EPG5: variants seen among roughly 807,000 people sequenced by gnomAD.
The protein encoded by EPG5 is ectopic P granules protein 5 homolog.
Under a neutral mutation model 302.7 loss-of-function variants are expected in EPG5, and 159 were observed. That is an observed-to-expected ratio of 0.53 (90% CI 0.46 to 0.60). The LOEUF is 0.60. EPG5 is among the 20% of genes least tolerant of loss of function. The pLI is 0.00. For synonymous variants in EPG5, 1,158 were observed against 1,136.8 expected, an observed-to-expected ratio of 1.02 and a Z score of -0.37; for missense variants, 2,896 against 3,092.4, an observed-to-expected ratio of 0.94 and a Z score of 1.51.
the EPG5 span, among the ~76,000 whole-genome samples, chr18:45,811,375 C>G: frequency 6.6e-6 from 1 of 152,152 alleles, no homozygotes; most frequent in Non-Finnish European, 1.5e-5. Flanking sequence ...CTATTCCAAT[C>G]AATAGAGAAA....
chr18:45,906,440 T>A (rs558157390), intron 24 of EPG5, among the ~76,000 whole-genome samples: 1 of 152,150 alleles, frequency 6.6e-6, no homozygotes, highest in African/African-American at 2.4e-5. Flanking sequence ...AACATGCCCA[T>A]CCCTTTCTCA....
At chr18:45,920,309 GT>G (rs2050126190) in intron 16 of EPG5, among the ~76,000 whole-genome samples, 1 of 152,222 alleles carries the variant, frequency 6.6e-6, no homozygotes, top group Admixed American at 6.5e-5. Context: ...TGAGTGTGCT[GT>G]TCAGAATGTA....
chr18:45,867,444 C>G (rs2048770514), intron 37 of EPG5, 119 bp downstream of exon 37: 1 of 780,590 alleles, frequency 1.3e-6, no homozygotes, highest in Non-Finnish European at 2.2e-6. Flanking sequence ...ATCTCATATG[C>G]CAAGCATCTG....
the EPG5 span, chr18:45,829,256 C>A: frequency 2.9e-6 from 2 of 679,174 alleles, no homozygotes; most frequent in African/African-American, 3.9e-5. Context: ...CCAGATAACC[C>A]TGAAGCAGAT....
chr18:45,933,652 G>A (rs985569953), intron 11 of EPG5, among the ~76,000 whole-genome samples: 13 of 150,588 alleles, frequency 8.6e-5, no homozygotes, highest in African/African-American at 1.9e-4. Context: ...CACTCCAGCC[G>A]GGGCAATGCT....
chr18:45,877,368 A>G (rs1286506388), intron 34 of EPG5, among the ~76,000 whole-genome samples: 1 of 152,158 alleles, frequency 6.6e-6, no homozygotes, highest in African/African-American at 2.4e-5. Context: ...GCAGTGAGCC[A>G]AGATCACGTC....
intron 18 of EPG5, 94 bp downstream of exon 18, chr18:45,916,344 G>A: frequency 6.5e-7 from 1 of 1,546,666 alleles, no homozygotes; most frequent in Non-Finnish European, 8.8e-7. Flanking sequence ...TAAGCCAAGT[G>A]ATCTGAAATG....
chr18:45,835,036 A>C, the EPG5 span, among the ~76,000 whole-genome samples: 1 of 152,212 alleles, frequency 6.6e-6, no homozygotes, highest in East Asian at 1.9e-4. Context: ...ATAAAATGTT[A>C]GGTCCTCCAC....
At chr18:45,829,007 C>T in the EPG5 span, 2 of 815,824 alleles carry the variant, frequency 2.5e-6, no homozygotes, top group Non-Finnish European at 3.0e-6. Context: ...CTGAGGAAGT[C>T]CTATCTGGGG....
intron 17 of EPG5, 40 bp from the exon 18 acceptor site, chr18:45,916,622 A>G (rs755566390): frequency 3.9e-6 from 6 of 1,524,558 alleles, no homozygotes; most frequent in East Asian, 2.3e-5. Context: ...CCTTCCGATC[A>G]GAACTCAACA....
intron 27 of EPG5, among the ~76,000 whole-genome samples, chr18:45,898,662 G>T (rs528251776): frequency 2.8e-4 from 43 of 152,298 alleles, no homozygotes; most frequent in African/African-American, 1.0e-3. Flanking sequence ...CCTGCCATGT[G>T]CAGCAGACAG....
chr18:45,907,675 A>T (rs1240419133), intron 24 of EPG5, among the ~76,000 whole-genome samples: 1 of 151,824 alleles, frequency 6.6e-6, no homozygotes, highest in African/African-American at 2.4e-5. Context: ...ACTTCCAATT[A>T]AAAAAAATAT....
chr18:45,853,466 G>A (rs2048454982), intron 43 of EPG5, among the ~76,000 whole-genome samples: 1 of 152,162 alleles, frequency 6.6e-6, no homozygotes, highest in Admixed American at 6.5e-5. Context: ...TGATTTTTGG[G>A]GTGAGGAGTT....
chr18:45,894,473 A>T (rs1396059974), intron 27 of EPG5, among the ~76,000 whole-genome samples: 12 of 151,936 alleles, frequency 7.9e-5, no homozygotes, highest in Admixed American at 5.2e-4. Context: ...AATAATAATA[A>T]TAATATTAAA....
intron 7 of EPG5, 89 bp from the exon 8 acceptor site, chr18:45,944,208 C>A: frequency 1.3e-6 from 1 of 780,754 alleles, no homozygotes; most frequent in South Asian, 1.5e-5. Flanking sequence ...TCACAGGTCT[C>A]AATGGTATAC....
Position 45,858,666 on chromosome 18 carries a change from A to G in EPG5, c.7126T>C (p.Tyr2376His). 3.1e-6 allele frequency: 5 copies of G among 1,614,188 alleles called. No individual in the cohort carries two copies. In the East Asian group the frequency reaches 8.9e-5, roughly 29 times the overall value. ...CLTLGSYLTL[Y>H]VYLLQCLNSE... The stretch of plus-strand genomic sequence containing the variant: ...TTTAAACACTGAAGCAAGTAGACGT[A>G]AAGAGTCAAGTAACTGCCCAAGGTG... The change falls in exon 41 of 44, where the codon TAC (tyrosine) becomes CAC (histidine). Residue 2376 changes from tyrosine (Y) to histidine (H), a missense_variant. Around this residue, in one of 5 missense-constraint regions of EPG5, gnomAD observed 620 missense variants for 704.2 expected, o/e 0.88. Coordinates refer to ENST00000282041, the MANE Select transcript of EPG5 (RefSeq NM_020964.3).
the EPG5 span, among the ~76,000 whole-genome samples, chr18:45,809,991 G>C: frequency 6.6e-6 from 1 of 152,024 alleles, no homozygotes; most frequent in South Asian, 2.1e-4. Context: ...CCAAGAAAAG[G>C]AGAAAATCCA....
intron 20 of EPG5, 50 bp downstream of exon 20, chr18:45,915,461 A>T: frequency 7.9e-7 from 1 of 1,268,566 alleles, no homozygotes; most frequent in Non-Finnish European, 1.1e-6. Flanking sequence ...GATGATCATG[A>T]GATTAAAGTT....
chr18:45,943,411 G>A lies in EPG5; in HGVS notation c.1793-100C>T, dbSNP rs2050714394. ...ATTTTAATGAGGACTCAAAGCCAAG[G>A]TGGAGAAGAACTGACAGTCTCATTA... On this transcript the variant is annotated intron_variant, in intron 8 of 43. Transcript: ENST00000282041. 5.9e-6 allele frequency: 6 copies of A among 1,010,396 alleles called. No individual in the cohort carries two copies. The Admixed American group carries it at 9.3e-5, about 16-fold the overall frequency. 62.6% of individuals were successfully genotyped at this position (1,010,396 alleles called of 1,614,324 possible).
Sources: gnomAD v4.1 joint callset for allele counts (sites outside exome capture counted in the v4.1 genomes callset) on GRCh38, gnomAD v4.1.1 for gene constraint, gnomAD v4.1.1 regional missense constraint, MANE v1.5 for transcripts, NCBI Gene and HGNC (gene_info 2026-07-23, HGNC 2026-07-21) for gene names.